The following SLC6A13 variants were observed in gnomAD, a reference collection of about 807,000 sequenced individuals.
The protein encoded by SLC6A13 is solute carrier family 6 member 13.
Under a neutral mutation model 72.9 loss-of-function variants are expected in SLC6A13, and 69 were observed. The observed-to-expected ratio is 0.95, with a 90% CI of 0.78 to 1.16. The LOEUF (loss-of-function observed/expected upper bound fraction) is 1.16, where lower values mean the gene tolerates loss of function less well. SLC6A13 is among the 50% of genes most tolerant of loss of function. The pLI, the probability that SLC6A13 is intolerant of heterozygous loss-of-function variation, is 0.00. For missense variants in SLC6A13, 735 were observed against 760.5 expected, an observed-to-expected ratio of 0.97 and a Z score of 0.39; for synonymous variants, 303 against 303.0, an observed-to-expected ratio of 1.00 and a Z score of 0.00.
intron 2 of SLC6A13, among the ~76,000 whole-genome samples, chr12:257,956 G>A (rs1046211857): frequency 6.6e-6 from 1 of 152,162 alleles, no homozygotes; most frequent in African/African-American, 2.4e-5. Context: ...AGCTAAGCTG[G>A]TTACCAGGTT....
At chr12:245,697 A>G (rs1465676459) in intron 2 of SLC6A13, among the ~76,000 whole-genome samples, 2 of 151,530 alleles carry the variant, frequency 1.3e-5, no homozygotes, top group Non-Finnish European at 2.9e-5. Flanking sequence ...AAAGAAAGAA[A>G]GAAAAGGCAG....
chr12:251,398 G>A (rs1942542134), intron 2 of SLC6A13, among the ~76,000 whole-genome samples: 1 of 152,066 alleles, frequency 6.6e-6, no homozygotes, highest in Admixed American at 6.6e-5. Context: ...AAATGGTGCT[G>A]GCATAAGTGA....
In SLC6A13 at chr12:222,712, A is replaced by T. The variant is rs139515202; in HGVS notation, c.1415-80T>A. 7.8e-4 allele frequency: 642 copies of T among 820,244 alleles called. 2 individuals carry two copies. In the African/African-American group the frequency reaches 9.9e-3, roughly 13 times the overall value. 50.8% of individuals were successfully genotyped at this position (820,244 alleles called of 1,614,324 possible). ...GACATCAGGATGGGGCCACAAACAG[A>T]CCAGAATGGGCAGGGACCCATAAAG... is the stretch of plus-strand genomic sequence containing the variant. On this transcript the variant is annotated intron_variant, in intron 12 of 14. Transcript: ENST00000343164.
At chr12:226,899 C>T (rs1439504655) in intron 8 of SLC6A13, 1 of 177,668 alleles carries the variant, frequency 5.6e-6, no homozygotes, top group Non-Finnish European at 1.2e-5. Flanking sequence ...TCCCAAACAA[C>T]AAATAACTCT....
chr12:225,896 G>A (rs1410763833), intron 9 of SLC6A13, among the ~76,000 whole-genome samples: 1 of 152,168 alleles, frequency 6.6e-6, no homozygotes, highest in Admixed American at 6.5e-5. Context: ...ACTGCATGGT[G>A]GAAAGGCAGT....
chr12:247,092 G>C (rs141733700), intron 2 of SLC6A13, among the ~76,000 whole-genome samples: 5 of 151,332 alleles, frequency 3.3e-5, no homozygotes, highest in Non-Finnish European at 7.4e-5. Flanking sequence ...CCTAAGTGGT[G>C]AGACAGCTTC....
chr12:234,019 T>TA (rs1263484340), intron 7 of SLC6A13, among the ~76,000 whole-genome samples: 2 of 152,050 alleles, frequency 1.3e-5, no homozygotes, highest in African/African-American at 2.4e-5. Context: ...ACCTTGCTGA[T>TA]AAAACAGGTT....
chr12:237,511 C>G (rs999967272), intron 5 of SLC6A13, among the ~76,000 whole-genome samples: 2 of 152,066 alleles, frequency 1.3e-5, no homozygotes, highest in African/African-American at 4.8e-5. Flanking sequence ...TTGTCCCCAG[C>G]CAAGGGAAGG....
chr12:252,830 C>T (rs3782860), intron 2 of SLC6A13, among the ~76,000 whole-genome samples: 61,178 of 152,114 alleles, frequency 0.4, 14,604 homozygotes, highest in Non-Finnish European at 0.55. Context: ...CTCTGGGCCC[C>T]GTGGTCAGCT....
intron 2 of SLC6A13, among the ~76,000 whole-genome samples, chr12:244,982 T>A (rs1360037100): frequency 1.3e-5 from 2 of 152,170 alleles, no homozygotes; most frequent in African/African-American, 4.8e-5. Context: ...ATACTGGTAT[T>A]TTCCCTACCA....
At chr12:235,373 C>T in intron 6 of SLC6A13, 149 bp from the exon 7 acceptor site, 1 of 771,758 alleles carries the variant, frequency 1.3e-6, no homozygotes, top group Non-Finnish European at 2.1e-6. Context: ...CTGTTTAGTT[C>T]TGTTGCAGGA....
rs188143376 is a variant in SLC6A13 at position 260,073 on chromosome 12, G to A, written c.-5-16C>T. 1 of 1,608,888 alleles carries A rather than the reference G, an allele frequency of 6.2e-7. No individual in the cohort carries two copies. The highest frequency in any genetic ancestry group is 8.5e-7 in the Non-Finnish European group (1 of 1,176,174). ...TCCATCCCACCTGGAAAACAAGTGG[G>A]ATGCTCTGTTACTGTTGGGAACCCC... On this transcript the variant is annotated splice_polypyrimidine_tract_variant and intron_variant, in intron 1 of 14. Transcript: ENST00000343164.
chr12:238,042 G>A (rs771016931), intron 4 of SLC6A13, 32 bp from the exon 5 acceptor site: 3 of 1,603,680 alleles, frequency 1.9e-6, no homozygotes, highest in Admixed American at 3.3e-5. Context: ...GGAAAAAAGA[G>A]AAAAATCATC....
chr12:252,288 G>A (rs1221413280), intron 2 of SLC6A13, among the ~76,000 whole-genome samples: 1 of 152,138 alleles, frequency 6.6e-6, no homozygotes, highest in Non-Finnish European at 1.5e-5. Flanking sequence ...AAACAAACTA[G>A]TTTAGTTTGC....
chr12:236,960 G>T, intron 6 of SLC6A13, 198 bp downstream of exon 6: 2 of 545,768 alleles, frequency 3.7e-6, no homozygotes, highest in Non-Finnish European at 6.4e-6. Flanking sequence ...TGCCTTTCTC[G>T]CTCTCTTCCA....
chr12:259,836 G>A lies in SLC6A13; in HGVS notation c.202+15C>T, dbSNP rs557179775. ...TCCAGGAGTGGGTGGGGTGGCACAA[G>A]GGCTCTCATCTCACCTCCCCCATTT... On this transcript the variant is annotated intron_variant, in intron 2 of 14. Transcript: ENST00000343164. 6.2e-7 allele frequency: 1 copy of A among 1,614,194 alleles called. No individual in the cohort carries two copies. Among genetic ancestry groups the A allele is most frequent in the Admixed American group, 1.7e-5 (1 of 60,020 alleles).
At position 252,445 on chromosome 12, in the gene SLC6A13, A is replaced by G. The variant is rs150906777; in HGVS notation, c.202+7406T>C. Among the ~76,000 whole-genome samples the G allele has an allele frequency of 1.2e-3, 177 of 152,350 alleles. 2 individuals carry two copies. The highest frequency in any genetic ancestry group is 2.1e-3 in the Non-Finnish European group (140 of 68,034). On this transcript the variant is annotated intron_variant, in intron 2 of 14. Coordinates refer to ENST00000343164, the MANE Select transcript of SLC6A13 (RefSeq NM_016615.5). ...TGGCAGTGGTTTCATGCGTATATAC[A>G]TATGTCAAAATTTATCAAATTGTAC...
At chr12:235,304 G>T in intron 6 of SLC6A13, 80 bp from the exon 7 acceptor site, 1 of 1,432,516 alleles carries the variant, frequency 7.0e-7, no homozygotes, top group Non-Finnish European at 9.8e-7. Flanking sequence ...GGAGGCAGGG[G>T]CAAGAGCTCC....
rs1941882833 is a variant in SLC6A13, at chr12:235,237, A to C, written c.697-13T>G. On this transcript the variant is annotated splice_polypyrimidine_tract_variant and intron_variant, in intron 6 of 14. Transcript: ENST00000343164. ...TGAAGTACACCACCTGGTCATGGGC[A>C]AATGAGAGACAAGGAGCTTGTGAGT... 6.2e-7 allele frequency: 1 copy of C among 1,614,058 alleles called. No individual in the cohort carries two copies. Among genetic ancestry groups the C allele is most frequent in the Non-Finnish European group, 8.5e-7 (1 of 1,179,988 alleles).
Sources: allele counts gnomAD v4.1 joint callset (sites outside exome capture counted in the v4.1 genomes callset), GRCh38; gene constraint gnomAD v4.1.1; transcripts MANE v1.5; gene names NCBI Gene and HGNC (gene_info 2026-07-23, HGNC 2026-07-21).